The following KRT17 variants were observed in gnomAD, a reference collection of about 807,000 sequenced individuals.
KRT17 encodes the protein keratin 17.
KRT17 carries 29 observed loss-of-function variants against 45.6 expected under a neutral mutation model. The observed-to-expected ratio is 0.64, with a 90% confidence interval of 0.47 to 0.87. KRT17 has a LOEUF of 0.87. KRT17 is among the 40% of genes least tolerant of loss of function. The pLI is 0.00. For synonymous variants in KRT17, 219 were observed against 234.6 expected (o/e 0.93, Z 0.61); for missense variants, 536 against 577.8 (o/e 0.93, Z 0.74).
intron 1 of KRT17, 86 bp from the exon 2 acceptor site, chr17:41,623,118 G>C (rs1183365936): frequency 4.8e-6 from 5 of 1,033,576 alleles, no homozygotes; most frequent in Non-Finnish European, 1.5e-6. Flanking sequence ...CTGCCTCAGG[G>C]CCTCTCTTCT....
intron 4 of KRT17, among the ~76,000 whole-genome samples, chr17:41,621,375 T>A (rs568949973): frequency 6.6e-6 from 1 of 152,342 alleles, no homozygotes; most frequent in Non-Finnish European, 1.5e-5. Context: ...CTTTACCCTC[T>A]GCCTTTATTC....
At position 41,620,951 on chromosome 17, in the gene KRT17, C is replaced by T. The variant is rs753195666; in HGVS notation, c.960+15G>A. 1 of 1,614,136 alleles carries T rather than the reference C, an allele frequency of 6.2e-7. No homozygotes were observed. The highest frequency in any genetic ancestry group is 1.7e-5 in the Admixed American group (1 of 60,026). On this transcript the variant is annotated intron_variant, in intron 5 of 7. Transcript: ENST00000311208. ...CCTCTTCTGGGCCCTCCCCCATGCA[C>T]AGGACTGTTCCTACCATGCTGAGCT...
In KRT17 at chr17:41,621,111, C is replaced by G. The variant is rs1370957391; in HGVS notation, c.835-20G>C. ...CTCTGTCTGCAGACAGGACACAGGA[C>G]AGGGCGGTGTGAGCCTGGATCCCTC... On this transcript the variant is annotated intron_variant, in intron 4 of 7. Coordinates refer to ENST00000311208, the MANE Select transcript of KRT17 (RefSeq NM_000422.3). The G allele has an allele frequency of 6.2e-7, 1 of 1,613,470 alleles. No individual in the cohort carries two copies. The highest frequency in any genetic ancestry group is 1.3e-5 in the African/African-American group (1 of 75,042).
chr17:41,622,729 C>T (rs1367847499), intron 2 of KRT17: 18 of 701,274 alleles, frequency 2.6e-5, no homozygotes, highest in African/African-American at 3.5e-5. Context: ...TCCCGCCTCC[C>T]GCCTCCCCTC....
chr17:41,623,239 G>C, intron 1 of KRT17: 1 of 550,294 alleles, frequency 1.8e-6, no homozygotes. Flanking sequence ...TACCCCACCA[G>C]ACCCCCATGG....
intron 4 of KRT17, among the ~76,000 whole-genome samples, 196 bp downstream of exon 4, chr17:41,621,397 C>T (rs1461441258): frequency 6.6e-6 from 1 of 152,186 alleles, no homozygotes; most frequent in Non-Finnish European, 1.5e-5. Context: ...GAGGGAGCTC[C>T]CTACCTCCCC....
At position 41,623,632 on chromosome 17, in the gene KRT17, C is replaced by G. The variant is rs1250501569; in HGVS notation, c.432+446G>C. ...CCTTCCCCACACTGAGGTCCCGCCC[C>G]CTCCTTTCTGCCTCCTCCTGCAGCA... is the stretch of plus-strand genomic sequence containing the variant. On this transcript the variant is annotated intron_variant, in intron 1 of 7. Transcript: ENST00000311208. Among the ~76,000 whole-genome samples, 3 of 152,090 alleles carry G rather than the reference C, an allele frequency of 2.0e-5. No homozygotes were observed. The East Asian group carries it at 5.8e-4, about 29-fold the overall frequency.
At position 41,624,254 on chromosome 17, in the gene KRT17, C is replaced by T. The variant is rs1421175248; in HGVS notation, c.256G>A (p.Ala86Thr). Residue 86 changes from alanine (A) to threonine (T), a missense_variant, in exon 1 of 8, where the codon GCC (alanine) becomes ACC (threonine). Ala to Thr is a moderately conservative substitution (Grantham distance 58, BLOSUM62 0). Coordinates refer to ENST00000311208, the MANE Select transcript of KRT17 (RefSeq NM_000422.3). Reference protein sequence around the residue: ...VDGLLAGGEKATMQNLNDRLA... With the variant: ...VDGLLAGGEKTTMQNLNDRLA... The stretch of plus-strand genomic sequence containing the variant: ...CGGTCATTGAGGTTCTGCATGGTGG[C>T]CTTCTCACCTCCAGCCAGCAGCCCA... 3.7e-6 allele frequency: 6 copies of T among 1,612,552 alleles called. No individual in the cohort carries two copies. Among genetic ancestry groups the T allele is most frequent in the African/African-American group, 1.3e-5 (1 of 74,866 alleles).
In KRT17 at chr17:41,624,332, A is replaced by G; in HGVS notation, c.178T>C (p.Cys60Arg). 6 of 1,611,830 alleles carry G rather than the reference A, an allele frequency of 3.7e-6. No homozygotes were observed. The highest frequency in any genetic ancestry group is 5.1e-6 in the Non-Finnish European group (6 of 1,179,886). Residue 60 changes from cysteine to arginine, a missense_variant, in exon 1 of 8, where the codon TGC (cysteine) becomes CGC (arginine). By Grantham distance (180) the Cys-to-Arg change is radical. Transcript: ENST00000311208. Reference sequence around the variant, plus strand: ...CCACCACCAGAGCCAAAGCTGTAGCAGCTGGAGTAGCTGCTACCCCCGAGG... The same window carrying G: ...CCACCACCAGAGCCAAAGCTGTAGCGGCTGGAGTAGCTGCTACCCCCGAGG... Reference protein sequence around the residue: ...STLGGSSYSSCYSFGSGGGYG... With the variant: ...STLGGSSYSSRYSFGSGGGYG...
rs1163054075 is a variant in KRT17 at position 41,619,555 on chromosome 17, T to C, written c.*39A>G. ...CTGTGGGGCAGATGGGGCGGCTGCC[T>C]CCCTGCCTCCTGGGTGGCCGGCCGG... On this transcript the variant is annotated 3_prime_UTR_variant, in exon 8 of 8. Transcript: ENST00000311208. 6.2e-7 allele frequency: 1 copy of C among 1,611,700 alleles called. No individual in the cohort carries two copies. The highest frequency in any genetic ancestry group is 1.7e-5 in the Admixed American group (1 of 60,012).
At position 41,620,793 on chromosome 17, in the gene KRT17, C is replaced by G; in HGVS notation, c.1047G>C (p.Val349=). The change falls in exon 6 of 8, where the codon GTG becomes GTC. Residue 349 remains valine, a synonymous_variant. Coordinates refer to ENST00000311208, the MANE Select transcript of KRT17 (RefSeq NM_000422.3). ...LSQIQGLIGS[V]EEQLAQLRCE... Reference sequence around the variant, plus strand: ...AGCGAAGCTGGGCCAGCTGCTCCTCCACGCTGCCAATCAGCCCCTGGATCT... The same window carrying G: ...AGCGAAGCTGGGCCAGCTGCTCCTCGACGCTGCCAATCAGCCCCTGGATCT... 7 of 1,613,104 alleles carry G rather than the reference C, an allele frequency of 4.3e-6. No individual in the cohort carries two copies. Among genetic ancestry groups the G allele is most frequent in the Non-Finnish European group, 5.9e-6 (7 of 1,179,872 alleles).
rs1395505727 is a variant in KRT17, at chr17:41,622,428, G to A, written c.599C>T (p.Ala200Val). 6.2e-7 allele frequency: 1 copy of A among 1,614,052 alleles called. No individual in the cohort carries two copies. The highest frequency in any genetic ancestry group is 1.7e-5 in the Admixed American group (1 of 60,026). ...AATCTGCATCTCCAGGTCGGCTCTG[G>A]CCAGGGTCAGCTCATCCAGCACCCT... ...LRRVLDELTL[A>V]RADLEMQIEN... Residue 200 changes from alanine (A) to valine (V), a missense_variant, in exon 3 of 8, where the codon GCC becomes GTC. By Grantham distance (64) the Ala-to-Val change is moderately conservative (BLOSUM62 0). Transcript: ENST00000311208.
At chr17:41,619,918 G>C in intron 7 of KRT17, 1 of 985,406 alleles carries the variant, frequency 1.0e-6, no homozygotes, top group Non-Finnish European at 1.2e-6. Flanking sequence ...TGCCTCCCCA[G>C]ATGGGTTATT....
chr17:41,620,166 A>G, intron 7 of KRT17: 1 of 985,384 alleles, frequency 1.0e-6, no homozygotes, highest in Non-Finnish European at 1.2e-6. Context: ...CCTATCTCCC[A>G]TCAGGCTACA....
intron 7 of KRT17, 48 bp from the exon 8 acceptor site, chr17:41,619,736 T>C: frequency 6.2e-7 from 1 of 1,611,376 alleles, no homozygotes; most frequent in African/African-American, 1.3e-5. Flanking sequence ...CAGGAGGCCC[T>C]CGCTTGCCCC....
intron 1 of KRT17, among the ~76,000 whole-genome samples, chr17:41,623,684 C>G (rs193065150): frequency 6.6e-6 from 1 of 151,922 alleles, no homozygotes; most frequent in East Asian, 1.9e-4. Flanking sequence ...CACTCAGACA[C>G]CCCCACTCCA....
intron 3 of KRT17, 167 bp downstream of exon 3, chr17:41,622,188 G>T: frequency 1.1e-6 from 1 of 878,198 alleles, no homozygotes; most frequent in Non-Finnish European, 1.9e-6. Flanking sequence ...AGTCTGCCCT[G>T]CACACTGGAC....
chr17:41,620,288 C>T, intron 7 of KRT17: 1 of 985,392 alleles, frequency 1.0e-6, no homozygotes, highest in Non-Finnish European at 1.2e-6. Flanking sequence ...TGGGACCTGT[C>T]TCCTCCATCA....
chr17:41,620,579 G>A, intron 6 of KRT17, 21 bp from the exon 7 acceptor site: 1 of 1,607,980 alleles, frequency 6.2e-7, no homozygotes, highest in Non-Finnish European at 8.5e-7. Flanking sequence ...AAAAAAAACA[G>A]AGAGGAAATT....
Sources: allele counts gnomAD v4.1 joint callset (sites outside exome capture counted in the v4.1 genomes callset), GRCh38; gene constraint gnomAD v4.1.1; transcripts MANE v1.5; gene names NCBI Gene and HGNC (gene_info 2026-07-23, HGNC 2026-07-21).